Variants in RIPOR2 observed in about 807,000 individuals in gnomAD.
The protein encoded by RIPOR2 is rho family-interacting cell polarization regulator 2.
In RIPOR2, 39 loss-of-function variants were observed where a neutral mutation model predicts 114.5. The ratio of observed to expected loss-of-function variants is 0.34; its 90% confidence interval spans 0.26 to 0.44. The LOEUF (loss-of-function observed/expected upper bound fraction) is 0.44. Among genes scored for constraint, RIPOR2 ranks in the 20% least tolerant of loss-of-function variants. RIPOR2 has a pLI of 1.00. For synonymous variants in RIPOR2, 445 were observed against 484.4 expected (o/e 0.92, Z 1.07); for missense variants, 1,007 against 1,255.1 (o/e 0.80, Z 2.99).
rs188291536 is a variant in RIPOR2 at position 25,001,705 on chromosome 6, T to C, written c.76+40146A>G. Among the ~76,000 whole-genome samples, 538 of 147,404 alleles carry C rather than the reference T, an allele frequency of 3.6e-3. 1 individual carries two copies. The highest frequency in any genetic ancestry group is 0.012 in the African/African-American group (469 of 40,304). On this transcript the variant is annotated intron_variant, in intron 1 of 13. Coordinates refer to the RIPOR2 transcript ENST00000510784. ...TACTTTCTTTTTCCTTTCTTTCTTT[T>C]TTTTTTTTTTTTTAAACATAGTCTC...
intron 1 of RIPOR2, among the ~76,000 whole-genome samples, chr6:24,954,181 G>A (rs1772921032): frequency 6.6e-6 from 1 of 152,206 alleles, no homozygotes; most frequent in Admixed American, 6.5e-5. Flanking sequence ...CTCAACAGAA[G>A]CACCTGAGGA....
At chr6:24,916,888 C>T (rs577772663) in intron 1 of RIPOR2, among the ~76,000 whole-genome samples, 1 of 152,272 alleles carries the variant, frequency 6.6e-6, no homozygotes, top group South Asian at 2.1e-4. Context: ...TATCTTAAGC[C>T]TAAACCTCCT....
chr6:24,928,376 G>T (rs1256655645), intron 1 of RIPOR2, among the ~76,000 whole-genome samples: 1 of 152,012 alleles, frequency 6.6e-6, no homozygotes, highest in East Asian at 1.9e-4. Context: ...GTTATAAATA[G>T]AAAGAAAATT....
At chr6:24,823,883 AGTAGCTGG>A (rs1759918273) in intron 19 of RIPOR2, among the ~76,000 whole-genome samples, 1 of 151,934 alleles carries the variant, frequency 6.6e-6, no homozygotes, top group Non-Finnish European at 1.5e-5. Context: ...CAGCCTCCTG[AGTAGCTGG>A]GATTACAAGC....
rs184853679 is a variant in RIPOR2, at chr6:24,849,388, A to G, written c.1034+414T>C. 6.6e-5 allele frequency among the ~76,000 whole-genome samples: 10 copies of G among 152,370 alleles called. No homozygotes were observed. In the East Asian group the frequency reaches 1.9e-3, roughly 29 times the overall value. Reference sequence around the variant, plus strand: ...AGAGCAGTGTGAAGTTATGCGATAAAGAGGAATAAGCATCCGTGAGAATCA... The same window carrying G: ...AGAGCAGTGTGAAGTTATGCGATAAGGAGGAATAAGCATCCGTGAGAATCA... On this transcript the variant is annotated intron_variant, in intron 11 of 21. Coordinates refer to ENST00000643898, the MANE Select transcript of RIPOR2 (RefSeq NM_001286445.3).
intron 1 of RIPOR2, among the ~76,000 whole-genome samples, chr6:24,950,683 C>T (rs1224194055): frequency 6.6e-6 from 1 of 152,154 alleles, no homozygotes; most frequent in Non-Finnish European, 1.5e-5. Context: ...GTGAGTCAAA[C>T]CTGTGGAAAC....
At chr6:24,954,402 C>T (rs186699515) in intron 1 of RIPOR2, among the ~76,000 whole-genome samples, 104 of 150,854 alleles carry the variant, frequency 6.9e-4, no homozygotes, top group Non-Finnish European at 1.2e-3. Flanking sequence ...CAGTGACTGC[C>T]GCTGCAACAC....
chr6:24,863,518 C>T lies in RIPOR2; in HGVS notation c.651+1783G>A, dbSNP rs147953700. On this transcript the variant is annotated intron_variant, in intron 7 of 21. Transcript: ENST00000643898. ...CTTTATAATTGGAAACGGCTCTCCT[C>T]ATTTCAGAGATCTGTAGAAATGGGG... is the stretch of plus-strand genomic sequence containing the variant. Among the ~76,000 whole-genome samples the T allele has an allele frequency of 1.9e-3, 292 of 152,336 alleles. 1 individual carries two copies. Among genetic ancestry groups the T allele is most frequent in the African/African-American group, 6.6e-3 (276 of 41,576 alleles).
intron 1 of RIPOR2, among the ~76,000 whole-genome samples, chr6:24,973,731 G>A (rs1773901653): frequency 6.6e-6 from 1 of 151,784 alleles, no homozygotes; most frequent in Admixed American, 6.6e-5. Flanking sequence ...AAGAAAATAT[G>A]GTATATATAC....
chr6:25,028,203 T>C (rs1561852734), intron 1 of RIPOR2, among the ~76,000 whole-genome samples: 1 of 152,186 alleles, frequency 6.6e-6, no homozygotes, highest in Non-Finnish European at 1.5e-5. Flanking sequence ...AATATCTCCT[T>C]AGCTGCCCTC....
At chr6:24,955,944 G>A (rs1474402723) in intron 1 of RIPOR2, among the ~76,000 whole-genome samples, 4 of 151,544 alleles carry the variant, frequency 2.6e-5, no homozygotes, top group African/African-American at 9.7e-5. Flanking sequence ...GGGAGGCGGA[G>A]GTTGCAGTGA....
intron 1 of RIPOR2, among the ~76,000 whole-genome samples, chr6:25,029,411 G>GAAAAAAAAAA (rs71544610): frequency 2.9e-4 from 26 of 90,480 alleles, no homozygotes; most frequent in African/African-American, 5.5e-4. Flanking sequence ...TCTCAAAAAA[G>GAAAAAAAAAA]AAAAAAAAAA....
At chr6:24,880,801 T>C (rs1216031370) in intron 1 of RIPOR2, among the ~76,000 whole-genome samples, 1 of 152,244 alleles carries the variant, frequency 6.6e-6, no homozygotes, top group Non-Finnish European at 1.5e-5. Context: ...AACAAGTTCA[T>C]TACTTTTGTC....
At position 24,849,999 on chromosome 6, in the gene RIPOR2, A is replaced by T. The variant is rs762165898; in HGVS notation, c.886-49T>A. 6 of 1,520,258 alleles carry T rather than the reference A, an allele frequency of 3.9e-6. No individual in the cohort carries two copies. In the South Asian group the frequency reaches 7.2e-5, roughly 18 times the overall value. 94.2% of individuals were successfully genotyped at this position (1,520,258 alleles called of 1,614,324 possible). ...TAGGCCTTACATCACAGCAGAGGAG[A>T]AAGGTAGAATAATGTGTCATTTTTT... On this transcript the variant is annotated intron_variant, in intron 10 of 21. Coordinates refer to ENST00000643898, the MANE Select transcript of RIPOR2 (RefSeq NM_001286445.3).
intron 1 of RIPOR2, among the ~76,000 whole-genome samples, chr6:24,997,768 A>G (rs1775109287): frequency 6.6e-6 from 1 of 152,190 alleles, no homozygotes; most frequent in Non-Finnish European, 1.5e-5. Flanking sequence ...GGTGATCTGT[A>G]TGCACATTAA....
chr6:25,036,538 C>T (rs1242839489), intron 1 of RIPOR2, among the ~76,000 whole-genome samples: 1 of 151,912 alleles, frequency 6.6e-6, no homozygotes, highest in Non-Finnish European at 1.5e-5. Flanking sequence ...TTTACAGGCA[C>T]ACACCACCAT....
chr6:24,981,689 A>C (rs573147470), intron 1 of RIPOR2, among the ~76,000 whole-genome samples: 5 of 152,212 alleles, frequency 3.3e-5, no homozygotes, highest in Non-Finnish European at 7.3e-5. Context: ...TATATCATCC[A>C]GGGTCGAATT....
intron 1 of RIPOR2, among the ~76,000 whole-genome samples, chr6:24,890,141 C>T (rs1165569078): frequency 6.6e-6 from 1 of 152,046 alleles, no homozygotes; most frequent in Non-Finnish European, 1.5e-5. Context: ...GAGATCCACC[C>T]GCCTCAGCCT....
At chr6:24,880,964 C>T (rs1041404934) in intron 1 of RIPOR2, among the ~76,000 whole-genome samples, 4 of 152,190 alleles carry the variant, frequency 2.6e-5, no homozygotes, top group Admixed American at 1.3e-4. Flanking sequence ...CAAACTCAGG[C>T]CAGGTGCAGT....
Sources: gnomAD v4.1 joint callset for allele counts (sites outside exome capture counted in the v4.1 genomes callset) on GRCh38, gnomAD v4.1.1 for gene constraint, MANE v1.5 for transcripts, NCBI Gene and HGNC (gene_info 2026-07-23, HGNC 2026-07-21) for gene names.